The following SEPTIN2 variants were observed in gnomAD, a reference collection of about 807,000 sequenced individuals.
SEPTIN2 encodes septin 2.
In SEPTIN2, 34 loss-of-function variants were observed where a neutral mutation model predicts 46.5. The observed-to-expected ratio is 0.73, with a 90% CI of 0.56 to 0.97. The LOEUF is 0.97. Among genes scored for constraint, SEPTIN2 ranks in the 50% least tolerant of loss-of-function variants. The pLI is 0.00. For synonymous variants in SEPTIN2, 175 were observed against 153.4 expected (o/e 1.14, Z -1.04); for missense variants, 347 against 448.4 (o/e 0.77, Z 2.04).
intron 3 of SEPTIN2, 103 bp downstream of exon 3, chr2:241,326,216 CAGAGT>C: frequency 2.6e-6 from 3 of 1,134,538 alleles, no homozygotes; most frequent in Non-Finnish European, 3.6e-6. Context: ...GAAAATTTGG[CAGAGT>C]CAAATAACTT....
Position 241,324,221 on chromosome 2 carries a change from G to T in SEPTIN2, c.-12G>T, listed in dbSNP as rs376200999. 1 of 1,610,110 alleles carries T rather than the reference G, an allele frequency of 6.2e-7. No homozygotes were observed. The highest frequency in any genetic ancestry group is 1.3e-5 in the African/African-American group (1 of 74,686). ...GTGTGTTTTTTTTTTAACAGACGAA[G>T]CTTCACAAAAGATGTCTAAGGTAAG... On this transcript the variant is annotated 5_prime_UTR_variant, in exon 2 of 13. Transcript: ENST00000391971.
At chr2:241,344,681 C>T (rs1006248787) in intron 9 of SEPTIN2, among the ~76,000 whole-genome samples, 5 of 151,998 alleles carry the variant, frequency 3.3e-5, no homozygotes, top group South Asian at 2.1e-4. Flanking sequence ...CCAGCCTGGG[C>T]GACAGAGCGA....
intron 1 of SEPTIN2, among the ~76,000 whole-genome samples, chr2:241,322,387 T>C (rs55821292): frequency 0.53 from 79,624 of 151,444 alleles, 21,782 homozygotes; most frequent in East Asian, 0.78. Flanking sequence ...GGGCGGGTCA[T>C]GAGGTCAGGA....
At chr2:241,346,454 G>A (rs1321190747) in intron 10 of SEPTIN2, 3 of 351,128 alleles carry the variant, frequency 8.5e-6, no homozygotes, top group South Asian at 4.4e-5. Context: ...TGATATGCAC[G>A]TAAAAACTTT....
chr2:241,346,296 CA>C (rs1325990032), intron 10 of SEPTIN2, 47 bp downstream of exon 10: 6 of 1,449,584 alleles, frequency 4.1e-6, no homozygotes, highest in Middle Eastern at 1.7e-4. Context: ...CCCTGAGCCA[CA>C]ATGTTCCTCC....
chr2:241,318,699 TTTC>T (rs2076723033), intron 1 of SEPTIN2, among the ~76,000 whole-genome samples: 1 of 149,218 alleles, frequency 6.7e-6, no homozygotes, highest in South Asian at 2.1e-4. Context: ...GTATTTGTAT[TTTC>T]TTTTTTTTTT....
rs555495774 is a variant in SEPTIN2 at position 241,319,296 on chromosome 2, G to A, written c.-18+3314G>A. ...GAATATAAATGAAATGTTACATCTCGTATTTGCTTCATAATCATCCAGGCA... is the reference window on the plus strand; with the variant it reads ...GAATATAAATGAAATGTTACATCTCATATTTGCTTCATAATCATCCAGGCA... On this transcript the variant is annotated intron_variant, in intron 1 of 12. Transcript: ENST00000391971. Among the ~76,000 whole-genome samples the A allele has an allele frequency of 2.6e-5, 4 of 152,304 alleles. No individual in the cohort carries two copies. In the South Asian group the frequency reaches 6.2e-4, roughly 24 times the overall value.
intron 2 of SEPTIN2, 85 bp from the exon 3 acceptor site, chr2:241,325,906 CTA>C: frequency 7.7e-7 from 1 of 1,291,460 alleles, no homozygotes; most frequent in Non-Finnish European, 1.1e-6. Flanking sequence ...AACTGATAAC[CTA>C]TGTTTGTTTC....
chr2:241,342,886 T>G, intron 7 of SEPTIN2, 106 bp from the exon 8 acceptor site: 1 of 662,144 alleles, frequency 1.5e-6, no homozygotes, highest in Admixed American at 2.7e-5. Context: ...GTTTGATTAT[T>G]GACATTTGTA....
chr2:241,351,576 C>T (rs986351000), intron 12 of SEPTIN2: 2 of 152,116 alleles, frequency 1.3e-5, no homozygotes, highest in Non-Finnish European at 2.9e-5. Flanking sequence ...GAGGCTGGTC[C>T]TGCATAACCA....
At chr2:241,326,196 A>G in intron 3 of SEPTIN2, 83 bp downstream of exon 3, 2 of 1,316,026 alleles carry the variant, frequency 1.5e-6, no homozygotes, top group East Asian at 2.5e-5. Flanking sequence ...CGTGACCTAT[A>G]AAGAAAGAGG....
chr2:241,334,836 C>A (rs765792050), intron 3 of SEPTIN2, among the ~76,000 whole-genome samples: 25 of 152,240 alleles, frequency 1.6e-4, no homozygotes, highest in Non-Finnish European at 3.5e-4. Flanking sequence ...ACATTCCTCA[C>A]ATTTGTGAAC....
intron 5 of SEPTIN2, chr2:241,336,670 A>C (rs2080046946): frequency 5.8e-6 from 1 of 171,786 alleles, no homozygotes; most frequent in Admixed American, 6.2e-5. Flanking sequence ...CTCCCTTCTT[A>C]CATGTGAAAG....
intron 8 of SEPTIN2, among the ~76,000 whole-genome samples, chr2:241,343,391 C>T (rs746674854): frequency 3.3e-5 from 5 of 151,646 alleles, no homozygotes; most frequent in Non-Finnish European, 5.9e-5. Flanking sequence ...CCCAGCCACT[C>T]GGGAGGCTAA....
chr2:241,333,738 C>G (rs1239587479), intron 3 of SEPTIN2, among the ~76,000 whole-genome samples: 1 of 152,168 alleles, frequency 6.6e-6, no homozygotes, highest in Non-Finnish European at 1.5e-5. Flanking sequence ...CTCCTGACCT[C>G]ATGATCCGCC....
Position 241,325,973 on chromosome 2 carries a change from TG to T in SEPTIN2, c.10-19del. ...CTACTAAGGTGTTTATTAGTTTGTT[TG>T]TTTTTTAATCTTATTTAGCAACAGC... On this transcript the variant is annotated intron_variant, in intron 2 of 12. Coordinates refer to ENST00000391971, the MANE Select transcript of SEPTIN2 (RefSeq NM_004404.5). 6.2e-7 allele frequency: 1 copy of T among 1,606,490 alleles called. No homozygotes were observed. Among genetic ancestry groups the T allele is most frequent in the South Asian group, 1.1e-5 (1 of 89,722 alleles).
intron 2 of SEPTIN2, chr2:241,324,923 G>A (rs1355633227): frequency 6.6e-6 from 1 of 151,986 alleles, no homozygotes; most frequent in East Asian, 1.9e-4. Context: ...AACATATTCT[G>A]AGAAAAGCAG....
At chr2:241,345,830 C>T (rs1242604208) in intron 9 of SEPTIN2, among the ~76,000 whole-genome samples, 1 of 152,190 alleles carries the variant, frequency 6.6e-6, no homozygotes, top group East Asian at 1.9e-4. Context: ...CTATTTCAGA[C>T]ATTGTTGACC....
chr2:241,338,013 A>G (rs888044633), intron 7 of SEPTIN2, among the ~76,000 whole-genome samples: 1 of 152,192 alleles, frequency 6.6e-6, no homozygotes, highest in Non-Finnish European at 1.5e-5. Context: ...AATTCTCCTT[A>G]TATTTAAAAT....
Sources: allele counts gnomAD v4.1 joint callset (sites outside exome capture counted in the v4.1 genomes callset), GRCh38; gene constraint gnomAD v4.1.1; transcripts MANE v1.5; gene names NCBI Gene and HGNC (gene_info 2026-07-23, HGNC 2026-07-21).